CCDC25: variants seen among roughly 807,000 people sequenced by gnomAD.
The protein encoded by CCDC25 is coiled-coil domain containing 25, also known as coiled-coil domain-containing protein 25.
In CCDC25, 16 loss-of-function variants were observed where a neutral mutation model predicts 35.3. That is an observed-to-expected ratio of 0.45 (90% CI 0.31 to 0.69). The LOEUF is 0.69. Ranked by LOEUF, CCDC25 falls within the 30% of genes least tolerant of loss-of-function variation. The pLI is 0.06. For synonymous variants in CCDC25, 79 were observed against 80.3 expected (o/e 0.98, Z 0.09); for missense variants, 179 against 250.7 (o/e 0.71, Z 1.93).
chr8:27,760,620 T>C (rs964331157), intron 3 of CCDC25, among the ~76,000 whole-genome samples: 1 of 152,168 alleles, frequency 6.6e-6, no homozygotes, highest in Non-Finnish European at 1.5e-5. Context: ...GGGGACATAG[T>C]AGTTAATGAA....
At chr8:27,768,093 T>C (rs1285450974) in intron 1 of CCDC25, among the ~76,000 whole-genome samples, 3 of 152,044 alleles carry the variant, frequency 2.0e-5, no homozygotes. Flanking sequence ...GGAGGATCAC[T>C]TGAGCCCAAG....
At chr8:27,771,476 C>G (rs1465683764) in intron 1 of CCDC25, among the ~76,000 whole-genome samples, 2 of 151,994 alleles carry the variant, frequency 1.3e-5, no homozygotes, top group African/African-American at 4.8e-5. Context: ...TAAAATAGAA[C>G]GATTATAACA....
At chr8:27,756,513 T>C (rs546210439) in intron 4 of CCDC25, 4 of 542,208 alleles carry the variant, frequency 7.4e-6, no homozygotes, top group East Asian at 3.1e-5. Context: ...CTGGGAAATA[T>C]GTACACTGCC....
rs1382327478 is a variant in CCDC25, at chr8:27,746,387, T to C, written c.551+1690A>G. ...CAGAATGCAGTAAAGCACTTTGCAATGCAGTGTTTGGCAGATGGAAAATGT... is the reference window on the plus strand; with the variant it reads ...CAGAATGCAGTAAAGCACTTTGCAACGCAGTGTTTGGCAGATGGAAAATGT... On this transcript the variant is annotated intron_variant, in intron 7 of 8. Transcript: ENST00000356537. Among the ~76,000 whole-genome samples the C allele has an allele frequency of 5.3e-5, 8 of 152,224 alleles. No individual in the cohort carries two copies. In the East Asian group the frequency reaches 1.5e-3, roughly 29 times the overall value.
In CCDC25 at chr8:27,748,194, G is replaced by A. The variant is rs1278590305; in HGVS notation, c.434C>T (p.Ala145Val). The change falls in exon 7 of 9, where the codon GCA becomes GTA. Residue 145 changes from alanine (A) to valine (V), a missense_variant. Physicochemically the swap from Ala to Val is moderately conservative, Grantham distance 64. Transcript: ENST00000356537. Reference sequence around the variant, plus strand: ...ACGATCTCTGCATTCTTTCTCTGCTGCTAGGTCTGGGAACCGCTCGACTTT... The same window carrying A: ...ACGATCTCTGCATTCTTTCTCTGCTACTAGGTCTGGGAACCGCTCGACTTT... ...KTKVERFPDLAAEKECRDREE... is the reference protein window; with the variant it reads ...KTKVERFPDLVAEKECRDREE... The A allele has an allele frequency of 2.5e-6, 4 of 1,613,666 alleles. No individual in the cohort carries two copies. The East Asian group carries it at 8.9e-5, about 36-fold the overall frequency.
At chr8:27,762,482 A>C in intron 2 of CCDC25, 24 bp from the exon 3 acceptor site, 1 of 1,608,448 alleles carries the variant, frequency 6.2e-7, no homozygotes, top group South Asian at 1.1e-5. Context: ...TGAGAAACGA[A>C]AGAAACAAAA....
intron 2 of CCDC25, chr8:27,764,536 G>A (rs1374537289): frequency 6.0e-6 from 2 of 334,514 alleles, no homozygotes; most frequent in South Asian, 4.4e-5. Flanking sequence ...GCCTCAGCCT[G>A]TCAAAGTGTT....
At chr8:27,749,250 C>A (rs1304081434) in intron 5 of CCDC25, among the ~76,000 whole-genome samples, 6 of 152,178 alleles carry the variant, frequency 3.9e-5, no homozygotes, top group African/African-American at 1.2e-4. Flanking sequence ...ACCACTCATA[C>A]CCTCCCTGGC....
chr8:27,770,599 C>T (rs866630334), intron 1 of CCDC25, among the ~76,000 whole-genome samples: 1 of 151,940 alleles, frequency 6.6e-6, no homozygotes, highest in African/African-American at 2.4e-5. Flanking sequence ...ATTAGCCAGG[C>T]TTGGTGGCGC....
In CCDC25 at chr8:27,756,424, T is replaced by C. The variant is rs188637825; in HGVS notation, c.168+295A>G. 1.2e-3 allele frequency: 351 copies of C among 290,514 alleles called. 2 individuals carry two copies. Among genetic ancestry groups the C allele is most frequent in the African/African-American group, 7.5e-3 (338 of 45,314 alleles). 18.0% of individuals were successfully genotyped at this position (290,514 alleles called of 1,614,324 possible). A position where few individuals can be genotyped will look rare whatever the true frequency, so the allele number is the denominator to read the frequency against. On this transcript the variant is annotated intron_variant, in intron 4 of 8. Coordinates refer to ENST00000356537, the MANE Select transcript of CCDC25 (RefSeq NM_018246.3). ...CTGGAGGAGACAGAAAGTCTGGGAG[T>C]GTCAACTGAATTGAAAGAAAAGGAA...
At chr8:27,745,906 C>T (rs922265498) in intron 7 of CCDC25, among the ~76,000 whole-genome samples, 1 of 152,150 alleles carries the variant, frequency 6.6e-6, no homozygotes, top group Non-Finnish European at 1.5e-5. Flanking sequence ...GAAAGTGGGA[C>T]TGATTAAACT....
intron 1 of CCDC25, among the ~76,000 whole-genome samples, chr8:27,771,178 T>C (rs1168277983): frequency 6.6e-6 from 1 of 152,092 alleles, no homozygotes; most frequent in Admixed American, 6.5e-5. Flanking sequence ...CAAACACCAT[T>C]GCGTTACCAT....
At chr8:27,743,890 T>C (rs1160792809) in intron 7 of CCDC25, among the ~76,000 whole-genome samples, 1 of 152,192 alleles carries the variant, frequency 6.6e-6, no homozygotes, top group Non-Finnish European at 1.5e-5. Context: ...GGCATGTGTT[T>C]AGCAGAAAGA....
chr8:27,760,287 A>AGAAAGT (rs1193285334), intron 3 of CCDC25, among the ~76,000 whole-genome samples: 1 of 152,206 alleles, frequency 6.6e-6, no homozygotes, highest in Non-Finnish European at 1.5e-5. Context: ...AGGCTGTGGT[A>AGAAAGT]CACTGATTTT....
At chr8:27,770,134 A>C (rs747014989) in intron 1 of CCDC25, among the ~76,000 whole-genome samples, 28 of 151,896 alleles carry the variant, frequency 1.8e-4, no homozygotes, top group Non-Finnish European at 2.8e-4. Context: ...ACAGAGGGAG[A>C]CTCCATCTCA....
intron 3 of CCDC25, among the ~76,000 whole-genome samples, chr8:27,759,898 A>G (rs1249264207): frequency 6.6e-6 from 1 of 152,126 alleles, no homozygotes; most frequent in Non-Finnish European, 1.5e-5. Context: ...TGACATTCAC[A>G]GAGGTAATGA....
At chr8:27,749,730 A>G (rs1803728722) in intron 5 of CCDC25, among the ~76,000 whole-genome samples, 2 of 152,138 alleles carry the variant, frequency 1.3e-5, no homozygotes, top group South Asian at 2.1e-4. Context: ...TATGGACTGT[A>G]TATCAGAACA....
intron 7 of CCDC25, among the ~76,000 whole-genome samples, chr8:27,745,544 A>G (rs1296914066): frequency 6.6e-6 from 1 of 152,244 alleles, no homozygotes; most frequent in Non-Finnish European, 1.5e-5. Flanking sequence ...ACAGATTTCT[A>G]TATCTTGGGT....
At chr8:27,770,208 A>G (rs976345424) in intron 1 of CCDC25, among the ~76,000 whole-genome samples, 3 of 152,150 alleles carry the variant, frequency 2.0e-5, no homozygotes, top group Non-Finnish European at 4.4e-5. Flanking sequence ...TTGGGAGGTT[A>G]AGGTGGGTAG....
Sources: allele counts gnomAD v4.1 joint callset (sites outside exome capture counted in the v4.1 genomes callset), GRCh38; gene constraint gnomAD v4.1.1; transcripts MANE v1.5; gene names NCBI Gene and HGNC (gene_info 2026-07-23, HGNC 2026-07-21).